The following RNF19A variants were observed in gnomAD, a reference collection of about 807,000 sequenced individuals.
The protein encoded by RNF19A is E3 ubiquitin-protein ligase RNF19A.
Under a neutral mutation model 75.7 loss-of-function variants are expected in RNF19A, and 32 were observed. The observed-to-expected ratio is 0.42, with a 90% confidence interval of 0.32 to 0.57. The LOEUF is 0.57. Ranked by LOEUF, RNF19A falls within the 20% of genes least tolerant of loss-of-function variation. The pLI is 0.10. For missense variants in RNF19A, 782 were observed against 1,036.3 expected (o/e 0.75, Z 3.37); for synonymous variants, 335 against 345.2 (o/e 0.97, Z 0.33).
intron 3 of RNF19A, among the ~76,000 whole-genome samples, chr8:100,274,473 T>C (rs1820408030): frequency 6.6e-6 from 1 of 152,170 alleles, no homozygotes; most frequent in Non-Finnish European, 1.5e-5. Flanking sequence ...ATGTCGAACA[T>C]TCTGTGTTAA....
In RNF19A at chr8:100,333,801, G is replaced by C. The variant is rs1401744186; in HGVS notation, c.-243+2307C>G. Among the ~76,000 whole-genome samples, 2 of 152,192 alleles carry C rather than the reference G, an allele frequency of 1.3e-5. No homozygotes were observed. The highest frequency in any genetic ancestry group is 2.9e-5 in the Non-Finnish European group (2 of 68,024). ...CCACTGCACTCCAGCCTGGGCAATAGAGTGACACCCTGTCTGTAAACAATA... is the reference window on the plus strand; with the variant it reads ...CCACTGCACTCCAGCCTGGGCAATACAGTGACACCCTGTCTGTAAACAATA... On this transcript the variant is annotated intron_variant, in intron 1 of 3. Coordinates refer to the RNF19A transcript ENST00000519527. The surrounding 1 kb of genome is among the most constrained non-coding windows in gnomAD (Gnocchi z 4.7).
At chr8:100,285,914 C>T (rs1563850720) in intron 2 of RNF19A, among the ~76,000 whole-genome samples, 17 of 152,260 alleles carry the variant, frequency 1.1e-4, no homozygotes. Context: ...TGAAACATAA[C>T]ATAGACATAT....
Position 100,333,643 on chromosome 8 carries a change from C to A in RNF19A, c.-243+2465G>T, listed in dbSNP as rs1586706332. Among the ~76,000 whole-genome samples, 1 of 152,296 alleles carries A rather than the reference C, an allele frequency of 6.6e-6. No individual in the cohort carries two copies. The highest frequency in any genetic ancestry group is 2.1e-4 in the South Asian group (1 of 4,822). ...TGTTGCCTGGGCAACATAGCAAGAG[C>A]CCATCTCTAAAAATTTTTTTAAAAC... On this transcript the variant is annotated intron_variant, in intron 1 of 3. Coordinates refer to the RNF19A transcript ENST00000519527. This position sits in a 1 kb window ranked among gnomAD's most constrained non-coding sequence, Gnocchi z 4.7.
rs991663075 is a variant in RNF19A, at chr8:100,329,164, C to A, written c.-243+6944G>T. Among the ~76,000 whole-genome samples, 5 of 152,142 alleles carry A rather than the reference C, an allele frequency of 3.3e-5. No individual in the cohort carries two copies. Among genetic ancestry groups the A allele is most frequent in the African/African-American group, 1.2e-4 (5 of 41,428 alleles). On this transcript the variant is annotated intron_variant, in intron 1 of 3. Transcript: ENST00000519527. This position sits in a 1 kb window ranked among gnomAD's most constrained non-coding sequence, Gnocchi z 4.3. ...GTGTTCGTTCATCCAGAACTGCTGG[C>A]ACAAAGCAAAAGTGGGTGCAAAGGT...
intron 1 of RNF19A, among the ~76,000 whole-genome samples, chr8:100,290,772 T>C (rs1035667434): frequency 4.6e-5 from 7 of 152,174 alleles, no homozygotes; most frequent in African/African-American, 1.7e-4. Flanking sequence ...TTATAGTCTA[T>C]TACACACCTA....
Position 100,299,914 on chromosome 8 carries a change from G to A in RNF19A, c.-94+9953C>T, listed in dbSNP as rs1453266840. ...GCTCATTTGTCTCTTTCTCCTAAAG[G>A]ACACCATGAGTAAGGGGGAGGGAAG... On this transcript the variant is annotated intron_variant, in intron 1 of 9. Transcript: ENST00000341084. 3.3e-5 allele frequency among the ~76,000 whole-genome samples: 5 copies of A among 152,220 alleles called. No homozygotes were observed. The East Asian group carries it at 5.8e-4, about 18-fold the overall frequency.
chr8:100,335,169 A>G (rs545341496), intron 1 of RNF19A, among the ~76,000 whole-genome samples: 1 of 152,280 alleles, frequency 6.6e-6, no homozygotes, highest in Non-Finnish European at 1.5e-5. Context: ...ATGTTAGTAC[A>G]TAGCTCCCCT....
intron 2 of RNF19A, among the ~76,000 whole-genome samples, chr8:100,285,677 G>C (rs1820982797): frequency 6.6e-6 from 1 of 151,764 alleles, no homozygotes. Flanking sequence ...CTGTTGCCCA[G>C]GCTGGAGTAT....
intron 1 of RNF19A, among the ~76,000 whole-genome samples, chr8:100,305,947 AT>A (rs1822046441): frequency 6.6e-6 from 1 of 152,250 alleles, no homozygotes; most frequent in Admixed American, 6.5e-5. Context: ...CAATATTTAT[AT>A]TAATACGTTA....
intron 1 of RNF19A, among the ~76,000 whole-genome samples, chr8:100,305,941 A>G (rs1328865914): frequency 6.6e-6 from 1 of 152,232 alleles, no homozygotes; most frequent in East Asian, 1.9e-4. Context: ...GTGATACAAT[A>G]TTTATATTAA....
intron 2 of RNF19A, among the ~76,000 whole-genome samples, chr8:100,277,264 T>TA (rs1264012841): frequency 6.6e-6 from 1 of 152,208 alleles, no homozygotes; most frequent in Non-Finnish European, 1.5e-5. Context: ...TGCAGGATTT[T>TA]AAGAGTCAGG....
At position 100,288,203 on chromosome 8, in the gene RNF19A, C is replaced by G; in HGVS notation, c.-29G>C. On this transcript the variant is annotated 5_prime_UTR_variant, in exon 2 of 10. Transcript: ENST00000341084. ...CATTAAGTCATGATGTAAGAATATC[C>G]TACTTGGTTCCTTCAGAGAATTCTT... is the stretch of plus-strand genomic sequence containing the variant. The G allele has an allele frequency of 6.5e-7, 1 of 1,540,782 alleles. No individual in the cohort carries two copies. The highest frequency in any genetic ancestry group is 8.7e-7 in the Non-Finnish European group (1 of 1,145,782).
intron 1 of RNF19A, among the ~76,000 whole-genome samples, chr8:100,334,815 C>A (rs1822656060): frequency 6.6e-6 from 1 of 152,160 alleles, no homozygotes; most frequent in Non-Finnish European, 1.5e-5. Flanking sequence ...TAGATAAGTC[C>A]TTTGACATCA....
intron 1 of RNF19A, among the ~76,000 whole-genome samples, chr8:100,319,204 C>T (rs1211102369): frequency 6.6e-6 from 1 of 152,038 alleles, no homozygotes; most frequent in African/African-American, 2.4e-5. Flanking sequence ...GTTAAACCTG[C>T]TTCAAAAAAA....
At chr8:100,289,689 C>T (rs1188001151) in intron 1 of RNF19A, among the ~76,000 whole-genome samples, 1 of 152,104 alleles carries the variant, frequency 6.6e-6, no homozygotes, top group East Asian at 1.9e-4. Context: ...TTACACTACT[C>T]GTGGGAGTGT....
In RNF19A at chr8:100,261,844, A is replaced by G; in HGVS notation, c.1469-89T>C. On this transcript the variant is annotated intron_variant, in intron 7 of 9. Transcript: ENST00000341084. The surrounding 1 kb of genome is among the most constrained non-coding windows in gnomAD (Gnocchi z 4.4). ...CCTCCATGATTTCAGAGAGGACATTATATAAGGTATAAAATATACGCAGAC... is the reference window on the plus strand; with the variant it reads ...CCTCCATGATTTCAGAGAGGACATTGTATAAGGTATAAAATATACGCAGAC... The G allele has an allele frequency of 3.1e-6, 4 of 1,302,034 alleles. No individual in the cohort carries two copies. The highest frequency in any genetic ancestry group is 4.4e-6 in the Non-Finnish European group (4 of 903,164). 80.7% of individuals were successfully genotyped at this position (1,302,034 alleles called of 1,614,324 possible). A position where few individuals can be genotyped will look rare whatever the true frequency, so the allele number is the denominator to read the frequency against.
At chr8:100,296,688 T>A (rs1418621315) in intron 1 of RNF19A, among the ~76,000 whole-genome samples, 1 of 152,194 alleles carries the variant, frequency 6.6e-6, no homozygotes, top group East Asian at 1.9e-4. Context: ...TGCTGAGATG[T>A]CAGATTTAAC....
rs555079788 is a variant in RNF19A at position 100,260,134 on chromosome 8, T to C, written c.1683-137A>G. On this transcript the variant is annotated intron_variant, in intron 8 of 9. Transcript: ENST00000341084. The surrounding 1 kb of genome is among the most constrained non-coding windows in gnomAD (Gnocchi z 4.1). ...ACCATTATTTTTTATTTCCTTTTAT[T>C]TAATTTAAATTCTACTGCAGCACAC... The C allele has an allele frequency of 1.4e-3, 1,027 of 735,102 alleles. 2 individuals carry two copies. Among genetic ancestry groups the C allele is most frequent in the Non-Finnish European group, 2.1e-3 (949 of 457,222 alleles). The allele number at this position is 735,102 out of a possible 1,614,324, so 45.5% of individuals were successfully genotyped here. A position where few individuals can be genotyped will look rare whatever the true frequency, so the allele number is the denominator to read the frequency against.
chr8:100,285,877 A>G (rs1420239901), intron 2 of RNF19A, among the ~76,000 whole-genome samples: 1 of 152,006 alleles, frequency 6.6e-6, no homozygotes, highest in East Asian at 1.9e-4. Context: ...TGAAGGATAG[A>G]CAGAAAAATC....
Sources: allele counts gnomAD v4.1 joint callset (sites outside exome capture counted in the v4.1 genomes callset), GRCh38; gene constraint gnomAD v4.1.1; non-coding constraint Gnocchi (gnomAD v3.1); transcripts MANE v1.5; gene names NCBI Gene and HGNC (gene_info 2026-07-23, HGNC 2026-07-21).